Variants in AMPH observed in about 807,000 individuals in gnomAD.
AMPH encodes the protein amphiphysin.
Under a neutral mutation model 99.1 loss-of-function variants are expected in AMPH, and 49 were observed. That is an observed-to-expected ratio of 0.49 (90% CI 0.39 to 0.63). The LOEUF is 0.63. AMPH is among the 20% of genes least tolerant of loss of function. The pLI, the probability that AMPH is intolerant of heterozygous loss-of-function variation, is 0.00. For missense variants in AMPH, 759 were observed against 863.4 expected (o/e 0.88, Z 1.52); for synonymous variants, 314 against 317.3 (o/e 0.99, Z 0.11).
intron 1 of AMPH, among the ~76,000 whole-genome samples, chr7:38,613,490 C>T (rs893946873): frequency 6.6e-6 from 1 of 152,120 alleles, no homozygotes; most frequent in South Asian, 2.1e-4. Context: ...CTAAAGAGAT[C>T]AATCTTTTTA....
chr7:38,384,727 T>G lies in AMPH; in HGVS notation c.*91A>C, dbSNP rs2810. 2 of 1,056,080 alleles carry G rather than the reference T, an allele frequency of 1.9e-6. No homozygotes were observed. Among genetic ancestry groups the G allele is most frequent in the East Asian group, 2.4e-5 (1 of 41,570 alleles). 65.4% of individuals were successfully genotyped at this position (1,056,080 alleles called of 1,614,324 possible). On this transcript the variant is annotated 3_prime_UTR_variant, in exon 21 of 21. Transcript: ENST00000356264. ...TTGTCTGGCATCAGTCTGTAAATCA[T>G]TAAGAGCATAATAACAAAAGTGAAC... is the stretch of plus-strand genomic sequence containing the variant.
chr7:38,625,283 T>A (rs959144114), intron 1 of AMPH, among the ~76,000 whole-genome samples: 1 of 152,014 alleles, frequency 6.6e-6, no homozygotes, highest in African/African-American at 2.4e-5. Flanking sequence ...GATGAGAAAA[T>A]GAGCAATTAC....
rs747664468 is a variant in AMPH, at chr7:38,465,565, C to T, written c.667-16G>A. On this transcript the variant is annotated splice_polypyrimidine_tract_variant and intron_variant, in intron 8 of 20. Coordinates refer to ENST00000356264, the MANE Select transcript of AMPH (RefSeq NM_001635.4). ...TGTGGCAAAGCTAAGGGGACAGAGG[C>T]CACTTGTCTATTAGTCACATGTCAT... 2 of 1,566,404 alleles carry T rather than the reference C, an allele frequency of 1.3e-6. No individual in the cohort carries two copies. Among genetic ancestry groups the T allele is most frequent in the Admixed American group, 1.9e-5 (1 of 52,918 alleles).
intron 1 of AMPH, among the ~76,000 whole-genome samples, chr7:38,551,076 T>C (rs1303620682): frequency 1.3e-5 from 2 of 152,172 alleles, no homozygotes; most frequent in Admixed American, 6.5e-5. Flanking sequence ...TGCCCTTTCA[T>C]GTGGAAACAA....
chr7:38,387,593 C>G (rs761048532), intron 20 of AMPH, among the ~76,000 whole-genome samples: 1 of 151,686 alleles, frequency 6.6e-6, no homozygotes, highest in Non-Finnish European at 1.5e-5. Flanking sequence ...ACCTGACTAC[C>G]AGAGAGAAAT....
chr7:38,499,581 T>C (rs1789057508), intron 3 of AMPH, among the ~76,000 whole-genome samples: 1 of 152,184 alleles, frequency 6.6e-6, no homozygotes. Context: ...CAGGGCCAAA[T>C]ATCACTTTCT....
At chr7:38,423,184 T>C (rs1278968018) in intron 15 of AMPH, among the ~76,000 whole-genome samples, 1 of 152,218 alleles carries the variant, frequency 6.6e-6, no homozygotes. Context: ...TCAATCTCAC[T>C]ATATTACTTA....
At chr7:38,470,208 C>A (rs1313294054) in intron 7 of AMPH, among the ~76,000 whole-genome samples, 3 of 152,174 alleles carry the variant, frequency 2.0e-5, no homozygotes, top group Non-Finnish European at 4.4e-5. Context: ...CTCAAAATGA[C>A]AAAAGTTATT....
At chr7:38,580,658 G>GGATGATGAT (rs60977723) in intron 1 of AMPH, among the ~76,000 whole-genome samples, 13 of 149,498 alleles carry the variant, frequency 8.7e-5, no homozygotes, top group East Asian at 3.9e-4. Context: ...AAGAGATATG[G>GGATGATGAT]GATGATGATG....
intron 5 of AMPH, among the ~76,000 whole-genome samples, chr7:38,483,894 G>A (rs573175301): frequency 7.9e-5 from 12 of 152,082 alleles, no homozygotes; most frequent in Admixed American, 3.9e-4. Context: ...TAATGTATCC[G>A]CAAAGTGAGA....
rs117769067 is a variant in AMPH at position 38,429,344 on chromosome 7, C to T, written c.1182+498G>A. On this transcript the variant is annotated intron_variant, in intron 14 of 20. Transcript: ENST00000356264. ...CAGCTACAGTGGGCCAGTCAGCAGA[C>T]GAAAGCAGGCTGGTGGATAATCTTA... is the stretch of plus-strand genomic sequence containing the variant. The T allele has an allele frequency of 2.9e-5, 37 of 1,289,190 alleles. No individual in the cohort carries two copies. In the East Asian group the frequency reaches 5.0e-4, roughly 17 times the overall value. 79.9% of individuals were successfully genotyped at this position (1,289,190 alleles called of 1,614,324 possible). A position where few individuals can be genotyped will look rare whatever the true frequency, so the allele number is the denominator to read the frequency against.
intron 1 of AMPH, among the ~76,000 whole-genome samples, chr7:38,563,814 A>T (rs1791636781): frequency 6.6e-6 from 1 of 152,224 alleles, no homozygotes; most frequent in African/African-American, 2.4e-5. Flanking sequence ...CACCACCATT[A>T]GCATTTGACA....
rs536018686 is a variant in AMPH at position 38,433,880 on chromosome 7, C to T, written c.1135-1668G>A. On this transcript the variant is annotated intron_variant, in intron 12 of 20. Coordinates refer to ENST00000356264, the MANE Select transcript of AMPH (RefSeq NM_001635.4). ...TCAGGATCATGAAAGGATGCGTTAG[C>T]GTGCACAGATACTGCAGAGATCACA... Among the ~76,000 whole-genome samples, 311 of 152,118 alleles carry T rather than the reference C, an allele frequency of 2.0e-3. 1 individual carries two copies. The highest frequency in any genetic ancestry group is 7.3e-3 in the African/African-American group (303 of 41,450).
At chr7:38,604,020 G>A (rs2129062369) in intron 1 of AMPH, among the ~76,000 whole-genome samples, 1 of 152,346 alleles carries the variant, frequency 6.6e-6, no homozygotes, top group East Asian at 1.9e-4. Context: ...AATAATTACA[G>A]TAGGAGAATT....
chr7:38,407,064 ATATATATATATATGTGTGTGTG>A (rs1219993113), intron 17 of AMPH, among the ~76,000 whole-genome samples: 1 of 21,256 alleles, frequency 4.7e-5, no homozygotes, highest in Non-Finnish European at 9.9e-5. Flanking sequence ...ATATATATAT[ATATATATATATATGTGTGTGTG>A]TGTGTGTGTG....
chr7:38,625,778 A>G (rs1794219013), intron 1 of AMPH, among the ~76,000 whole-genome samples: 1 of 152,298 alleles, frequency 6.6e-6, no homozygotes, highest in African/African-American at 2.4e-5. Flanking sequence ...AAAGAACAAG[A>G]AAGGCAAAAG....
intron 8 of AMPH, 144 bp downstream of exon 8, chr7:38,466,029 T>C (rs1787638004): frequency 1.6e-6 from 1 of 637,900 alleles, no homozygotes; most frequent in Non-Finnish European, 2.6e-6. Flanking sequence ...ACCGTAGAAA[T>C]GTTATCGAGG....
chr7:38,533,550 T>C (rs1562811864), intron 2 of AMPH, among the ~76,000 whole-genome samples: 1 of 152,096 alleles, frequency 6.6e-6, no homozygotes, highest in Admixed American at 6.5e-5. Context: ...AGAAATAGAA[T>C]GTCTTGGTGA....
chr7:38,586,569 T>G (rs1792655768), intron 1 of AMPH, among the ~76,000 whole-genome samples: 2 of 152,014 alleles, frequency 1.3e-5, no homozygotes, highest in African/African-American at 4.8e-5. Context: ...TTCTCATATA[T>G]ATATATCACA....
Sources: allele counts gnomAD v4.1 joint callset (sites outside exome capture counted in the v4.1 genomes callset), GRCh38; gene constraint gnomAD v4.1.1; transcripts MANE v1.5; gene names NCBI Gene and HGNC (gene_info 2026-07-23, HGNC 2026-07-21).